Variants in RAF1 observed in about 807,000 individuals in gnomAD.
The protein encoded by RAF1 is RAF proto-oncogene serine/threonine-protein kinase.
In RAF1, 27 loss-of-function variants were observed where a neutral mutation model predicts 81.1. The ratio of observed to expected loss-of-function variants is 0.33; its 90% CI spans 0.25 to 0.46. The LOEUF (loss-of-function observed/expected upper bound fraction) is 0.46, where lower values mean the gene tolerates loss of function less well. Among genes scored for constraint, RAF1 ranks in the 20% least tolerant of loss-of-function variants. The pLI, the probability that RAF1 is intolerant of heterozygous loss-of-function variation, is 1.00. For missense variants in RAF1, 598 were observed against 826.0 expected, an observed-to-expected ratio of 0.72 and a Z score of 3.38; for synonymous variants, 298 against 294.0, an observed-to-expected ratio of 1.01 and a Z score of -0.14.
At chr3:12,651,516 C>T (rs2060524630) in intron 1 of RAF1, among the ~76,000 whole-genome samples, 1 of 151,820 alleles carries the variant, frequency 6.6e-6, no homozygotes, top group South Asian at 2.1e-4. Flanking sequence ...TGCCCATAGT[C>T]CCAGCTACTC....
At chr3:12,619,988 A>G (rs2059505562) in intron 1 of RAF1, among the ~76,000 whole-genome samples, 1 of 152,022 alleles carries the variant, frequency 6.6e-6, no homozygotes, top group South Asian at 2.1e-4. Flanking sequence ...AGGCTGAGGC[A>G]GGGGAATGGC....
At chr3:12,634,708 G>A (rs1023309768) in intron 1 of RAF1, among the ~76,000 whole-genome samples, 1 of 152,052 alleles carries the variant, frequency 6.6e-6, no homozygotes, top group African/African-American at 2.4e-5. Flanking sequence ...GGAGGAAAGT[G>A]GTTGGAGGAA....
intron 1 of RAF1, 86 bp from the exon 2 acceptor site, chr3:12,618,833 G>T: frequency 9.1e-7 from 1 of 1,095,382 alleles, no homozygotes; most frequent in Non-Finnish European, 1.4e-6. Flanking sequence ...TATGAAAATA[G>T]CACTATGTGG....
At chr3:12,593,176 C>T (rs2058574160) in intron 11 of RAF1, among the ~76,000 whole-genome samples, 1 of 147,004 alleles carries the variant, frequency 6.8e-6, no homozygotes, top group East Asian at 2.1e-4. Context: ...CTGCAACCTC[C>T]GCAAGCGATT....
chr3:12,628,461 A>G (rs2059770528), intron 1 of RAF1, among the ~76,000 whole-genome samples: 1 of 152,206 alleles, frequency 6.6e-6, no homozygotes, highest in Admixed American at 6.5e-5. Context: ...CAGGAATTCA[A>G]TACCAGCCTG....
intron 13 of RAF1, chr3:12,590,025 G>C (rs1268151776): frequency 6.6e-6 from 1 of 151,594 alleles, no homozygotes; most frequent in Admixed American, 6.6e-5. Context: ...TCCTGGCCTC[G>C]TCATCCACCC....
intron 2 of RAF1, among the ~76,000 whole-genome samples, chr3:12,617,702 A>G (rs973026649): frequency 6.6e-6 from 1 of 151,420 alleles, no homozygotes; most frequent in Non-Finnish European, 1.5e-5. Context: ...CCTGGTTAAC[A>G]TGGTGAAACC....
At chr3:12,630,128 G>A (rs1463856590) in intron 1 of RAF1, among the ~76,000 whole-genome samples, 1 of 152,144 alleles carries the variant, frequency 6.6e-6, no homozygotes, top group East Asian at 1.9e-4. Flanking sequence ...AATTTGGGAA[G>A]GAGGATAAAG....
intron 1 of RAF1, among the ~76,000 whole-genome samples, chr3:12,624,764 G>A (rs150581761): frequency 1.4e-3 from 217 of 151,958 alleles, no homozygotes; most frequent in African/African-American, 5.0e-3. Flanking sequence ...CACTTTGGGA[G>A]ACCAAGGTGG....
At chr3:12,608,556 G>A in intron 5 of RAF1, 1 of 601,442 alleles carries the variant, frequency 1.7e-6, no homozygotes, top group South Asian at 1.9e-5. Flanking sequence ...CAGATAACAA[G>A]TCCTACTCCT....
chr3:12,605,003 T>C (rs1019218920), intron 6 of RAF1, among the ~76,000 whole-genome samples: 1 of 152,192 alleles, frequency 6.6e-6, no homozygotes, highest in African/African-American at 2.4e-5. Flanking sequence ...TAAGGGAAAT[T>C]GTTCTATTGT....
rs2125420958 is a variant in RAF1 at position 12,609,323 on chromosome 3, G to C, written c.333C>G (p.Arg111=). The change falls in exon 4 of 18, where the codon CGC becomes CGG. Residue 111 remains arginine, a synonymous_variant. Transcript: ENST00000442415. ...ACGCAGCATCAGTATTCCAATCTAA[G>C]CGTGCTTTTTTACTAGAAAGGATTT... The C allele has an allele frequency of 6.2e-7, 1 of 1,611,956 alleles. No homozygotes were observed. The highest frequency in any genetic ancestry group is 8.5e-7 in the Non-Finnish European group (1 of 1,178,272).
At chr3:12,626,416 C>T (rs1265581026) in intron 1 of RAF1, among the ~76,000 whole-genome samples, 2 of 151,546 alleles carry the variant, frequency 1.3e-5, no homozygotes, top group African/African-American at 2.4e-5. Flanking sequence ...TACCAAGACC[C>T]CGTCTGTACA....
intron 1 of RAF1, among the ~76,000 whole-genome samples, 171 bp downstream of exon 1, chr3:12,663,642 G>A (rs1224381800): frequency 9.6e-6 from 1 of 104,170 alleles, no homozygotes. Flanking sequence ...CCGGACTCCG[G>A]GGCCCCCGCC....
intron 2 of RAF1, among the ~76,000 whole-genome samples, chr3:12,617,006 C>G (rs1292664641): frequency 6.6e-6 from 1 of 152,210 alleles, no homozygotes; most frequent in African/African-American, 2.4e-5. Context: ...GCAATCTCAG[C>G]TCACTGCAAC....
chr3:12,642,098 A>G (rs1178862554), intron 1 of RAF1, among the ~76,000 whole-genome samples: 1 of 152,074 alleles, frequency 6.6e-6, no homozygotes, highest in Non-Finnish European at 1.5e-5. Flanking sequence ...CAGTGAGCCC[A>G]GATCGTGCCA....
chr3:12,657,160 ATACTAT>A (rs953383470), intron 1 of RAF1, among the ~76,000 whole-genome samples: 4 of 152,184 alleles, frequency 2.6e-5, no homozygotes, highest in Admixed American at 2.0e-4. Flanking sequence ...TCCACTAAAC[ATACTAT>A]TACTATGAGA....
intron 11 of RAF1, among the ~76,000 whole-genome samples, chr3:12,594,403 T>C (rs2058622223): frequency 6.6e-6 from 1 of 152,164 alleles, no homozygotes. Context: ...GGGGAACTGC[T>C]TCTAAGGACC....
At chr3:12,656,234 A>G (rs1269872042) in intron 1 of RAF1, among the ~76,000 whole-genome samples, 2 of 151,650 alleles carry the variant, frequency 1.3e-5, no homozygotes, top group East Asian at 3.9e-4. Context: ...ATTATCATTT[A>G]TCCCCCCATT....
Sources: gnomAD v4.1 joint callset for allele counts (sites outside exome capture counted in the v4.1 genomes callset) on GRCh38, gnomAD v4.1.1 for gene constraint, MANE v1.5 for transcripts, NCBI Gene and HGNC (gene_info 2026-07-23, HGNC 2026-07-21) for gene names.